CCDC157: variants seen among roughly 807,000 people sequenced by gnomAD.
CCDC157 encodes coiled-coil domain containing 157, also known as coiled-coil domain-containing protein 157.
CCDC157 carries 60 observed loss-of-function variants against 70.9 expected under a neutral mutation model. That is an observed-to-expected ratio of 0.85 (90% CI 0.69 to 1.05). CCDC157 has a LOEUF of 1.05. CCDC157 is among the 50% of genes least tolerant of loss of function. CCDC157 has a pLI of 0.00. For missense variants in CCDC157, 943 were observed against 984.2 expected (o/e 0.96, Z 0.56); for synonymous variants, 373 against 422.4 (o/e 0.88, Z 1.43).
In CCDC157 at chr22:30,377,112, C is replaced by A. The variant is rs867568410; in HGVS notation, c.*367C>A. 13 of 288,946 alleles carry A rather than the reference C, an allele frequency of 4.5e-5. No homozygotes were observed. Among genetic ancestry groups the A allele is most frequent in the Non-Finnish European group, 7.3e-5 (11 of 149,972 alleles). 17.9% of individuals were successfully genotyped at this position (288,946 alleles called of 1,614,324 possible). A position where few individuals can be genotyped will look rare whatever the true frequency, so the allele number is the denominator to read the frequency against. On this transcript the variant is annotated 3_prime_UTR_variant, in exon 12 of 12. Transcript: ENST00000338306. Reference sequence around the variant, plus strand: ...GTGAACCTTGGCTCAGTGGCCCGCACTGACTCAGGAAGGGGTCAGGTGGGA... The same window carrying A: ...GTGAACCTTGGCTCAGTGGCCCGCAATGACTCAGGAAGGGGTCAGGTGGGA...
At chr22:30,357,426 C>T (rs1272985597) in intron 1 of CCDC157, among the ~76,000 whole-genome samples, 2 of 152,362 alleles carry the variant, frequency 1.3e-5, no homozygotes, top group East Asian at 3.9e-4. Context: ...TTGCTTCCAT[C>T]CCCTGCCTTC....
chr22:30,361,107 G>A (rs1307270410), intron 1 of CCDC157, among the ~76,000 whole-genome samples: 4 of 151,850 alleles, frequency 2.6e-5, no homozygotes, highest in African/African-American at 9.7e-5. Flanking sequence ...AATTAGCTGG[G>A]CGTGGTGGTG....
chr22:30,376,033 A>T, intron 10 of CCDC157: 2 of 557,408 alleles, frequency 3.6e-6, no homozygotes, highest in Non-Finnish European at 6.3e-6. Flanking sequence ...ACAAAAAAAA[A>T]AAGAAGCCAT....
intron 7 of CCDC157, 105 bp from the exon 8 acceptor site, chr22:30,373,492 G>A: frequency 7.9e-7 from 1 of 1,272,488 alleles, no homozygotes; most frequent in South Asian, 1.4e-5. Context: ...CACCCCAGGG[G>A]GGTAGCAGCC....
intron 7 of CCDC157, 91 bp downstream of exon 7, chr22:30,372,377 A>G: frequency 7.0e-7 from 1 of 1,421,364 alleles, no homozygotes; most frequent in South Asian, 1.5e-5. Context: ...GATCATCTAT[A>G]TTGGGCATCT....
intron 3 of CCDC157, among the ~76,000 whole-genome samples, chr22:30,367,319 T>G (rs1464558914): frequency 6.6e-6 from 1 of 151,432 alleles, no homozygotes; most frequent in African/African-American, 2.4e-5. Context: ...CACTGCAACC[T>G]CCACCTCCTG....
rs182075227 is a variant in CCDC157, at chr22:30,369,297, C to T, written c.249-135C>T. Reference sequence around the variant, plus strand: ...CCCTGGGTTAGGTTTGAAGCTGGCCCAGCAGAGCATATTCTGAGACTCTCC... The same window carrying T: ...CCCTGGGTTAGGTTTGAAGCTGGCCTAGCAGAGCATATTCTGAGACTCTCC... On this transcript the variant is annotated intron_variant, in intron 3 of 11. Coordinates refer to ENST00000338306, the MANE Select transcript of CCDC157 (RefSeq NM_001017437.5). 1.4e-4 allele frequency: 107 copies of T among 787,482 alleles called. No individual in the cohort carries two copies. In the East Asian group the frequency reaches 2.7e-3, roughly 20 times the overall value. The allele number at this position is 787,482 out of a possible 1,614,324, so 48.8% of individuals were successfully genotyped here. A position where few individuals can be genotyped will look rare whatever the true frequency, so the allele number is the denominator to read the frequency against.
chr22:30,376,737 C>T lies in CCDC157; in HGVS notation c.2251C>T (p.Pro751Ser). 1.9e-6 allele frequency: 3 copies of T among 1,610,802 alleles called. No homozygotes were observed. Among genetic ancestry groups the T allele is most frequent in the Non-Finnish European group, 2.5e-6 (3 of 1,178,272 alleles). Residue 751 changes from proline (P) to serine (S), a missense_variant, in exon 12 of 12, where the codon CCC becomes TCC. Transcript: ENST00000338306. ...ASSAHQPQER[P>S]M The stretch of plus-strand genomic sequence containing the variant: ...CTCTGCACACCAGCCCCAGGAGCGG[C>T]CCATGTAGCCTGTGGCCCAGGGCTG...
Position 30,372,018 on chromosome 22 carries a change from T to G in CCDC157, c.1124-57T>G. 4.2e-6 allele frequency: 5 copies of G among 1,187,658 alleles called. No homozygotes were observed. The South Asian group carries it at 7.1e-5, about 17-fold the overall frequency. 73.6% of individuals were successfully genotyped at this position (1,187,658 alleles called of 1,614,324 possible). A position where few individuals can be genotyped will look rare whatever the true frequency, so the allele number is the denominator to read the frequency against. ...GGGATGTGAGCTCCCGTCCTAGGTC[T>G]GAGGTAGTACAGCGCTCCCCTGCCC... On this transcript the variant is annotated intron_variant, in intron 6 of 11. Transcript: ENST00000338306.
At chr22:30,366,941 C>T (rs894527805) in intron 3 of CCDC157, 6 of 150,546 alleles carry the variant, frequency 4.0e-5, no homozygotes, top group African/African-American at 1.5e-4. Context: ...GCCTGTAATT[C>T]CAGCTACTCA....
intron 3 of CCDC157, chr22:30,368,826 C>A (rs1932817948): frequency 6.6e-6 from 1 of 152,244 alleles, no homozygotes. Flanking sequence ...GCAAACTTAG[C>A]TTTTTATTAT....
chr22:30,366,270 G>C, intron 3 of CCDC157, 22 bp downstream of exon 3: 2 of 1,611,708 alleles, frequency 1.2e-6, no homozygotes, highest in Non-Finnish European at 1.7e-6. Context: ...GACCAAGCCT[G>C]GTCATCTCAG....
intron 9 of CCDC157, chr22:30,374,480 A>G (rs1414792746): frequency 4.3e-6 from 2 of 469,786 alleles, no homozygotes; most frequent in Non-Finnish European, 4.2e-6. Flanking sequence ...TCCCAAGGAC[A>G]CAGCCTCCAG....
chr22:30,370,342 G>T lies in CCDC157; in HGVS notation c.437G>T (p.Arg146Met). The T allele has an allele frequency of 6.2e-7, 1 of 1,613,808 alleles. No homozygotes were observed. The highest frequency in any genetic ancestry group is 8.5e-7 in the Non-Finnish European group (1 of 1,179,868). ...TGAACACAGAAAGGGGCAAACCAAA[G>T]GGAGACTCCCACCTCCAAGCCCACC... ...QPLPQKGANQ[R>M]ETPTSKPTTK... The change falls in exon 5 of 12, where the codon AGG (arginine) becomes ATG (methionine). Residue 146 changes from arginine (R) to methionine (M), a missense_variant. Transcript: ENST00000338306.
In CCDC157 at chr22:30,371,746, G is replaced by A. The variant is rs1004441607; in HGVS notation, c.1123+19G>A. On this transcript the variant is annotated intron_variant, in intron 6 of 11. Transcript: ENST00000338306. ...GCTGTGGGTAAGGAGCCCCATCATAGGCCCCCATGCCACATCTCAAGCCAG... is the reference window on the plus strand; with the variant it reads ...GCTGTGGGTAAGGAGCCCCATCATAAGCCCCCATGCCACATCTCAAGCCAG... The A allele has an allele frequency of 3.5e-5, 56 of 1,593,910 alleles. No individual in the cohort carries two copies. Among genetic ancestry groups the A allele is most frequent in the Non-Finnish European group, 4.3e-5 (50 of 1,161,774 alleles).
At chr22:30,358,017 G>C (rs1039252470) in intron 1 of CCDC157, among the ~76,000 whole-genome samples, 3 of 152,134 alleles carry the variant, frequency 2.0e-5, no homozygotes, top group African/African-American at 4.8e-5. Context: ...CAAGCTATGC[G>C]GCTCGCTCCC....
rs1933297294 is a variant in CCDC157 at position 30,375,624 on chromosome 22, G to C, written c.1818G>C (p.Leu606=). The change falls in exon 10 of 12, where the codon CTG becomes CTC. Residue 606 remains leucine (L), a synonymous_variant. Coordinates refer to ENST00000338306, the MANE Select transcript of CCDC157 (RefSeq NM_001017437.5). The part of the protein sequence containing the change: ...QEENGRLQSM[L]SKIREVAQQG... ...AGAACGGGCGGCTCCAATCAATGCTGTCCAAAATCCGGGAAGTGGCCCAGC... is the reference window on the plus strand; with the variant it reads ...AGAACGGGCGGCTCCAATCAATGCTCTCCAAAATCCGGGAAGTGGCCCAGC... 1 of 1,613,834 alleles carries C rather than the reference G, an allele frequency of 6.2e-7. No homozygotes were observed.
At chr22:30,370,987 G>A (rs758857901) in intron 5 of CCDC157, 37 bp downstream of exon 5, 40 of 1,576,582 alleles carry the variant, frequency 2.5e-5, no homozygotes, top group Non-Finnish European at 3.1e-5. Flanking sequence ...GGTGCCCAGG[G>A]GCTCTGCCAC....
intron 3 of CCDC157, among the ~76,000 whole-genome samples, chr22:30,367,704 C>A (rs1236807702): frequency 1.3e-5 from 2 of 152,038 alleles, no homozygotes; most frequent in Non-Finnish European, 2.9e-5. Context: ...AACATGGTCA[C>A]CAGCCTTTCA....
Sources: gnomAD v4.1 joint callset for allele counts (sites outside exome capture counted in the v4.1 genomes callset) on GRCh38, gnomAD v4.1.1 for gene constraint, MANE v1.5 for transcripts, NCBI Gene and HGNC (gene_info 2026-07-23, HGNC 2026-07-21) for gene names.